The following HECW2 variants were observed in gnomAD, a reference collection of about 807,000 sequenced individuals.
HECW2 encodes E3 ubiquitin-protein ligase HECW2.
A neutral mutation model predicts 175.2 loss-of-function variants in HECW2; 61 were observed. The observed-to-expected ratio is 0.35, with a 90% CI of 0.28 to 0.43. The LOEUF is 0.43. HECW2 is among the 20% of genes least tolerant of loss of function. The pLI is 1.00. For synonymous variants in HECW2, 671 were observed against 731.0 expected, an observed-to-expected ratio of 0.92 and a Z score of 1.32; for missense variants, 1,524 against 2,000.5, an observed-to-expected ratio of 0.76 and a Z score of 4.54.
At chr2:196,564,986 C>A (rs2125504689) in intron 1 of HECW2, among the ~76,000 whole-genome samples, 2 of 143,470 alleles carry the variant, frequency 1.4e-5, no homozygotes, top group African/African-American at 2.6e-5. Context: ...AGCAATTTAA[C>A]TATTTCTTCA....
intron 13 of HECW2, among the ~76,000 whole-genome samples, chr2:196,302,665 A>C (rs1181415898): frequency 6.6e-6 from 1 of 151,942 alleles, no homozygotes; most frequent in Non-Finnish European, 1.5e-5. Context: ...TAGGTATTTT[A>C]TCCTTTTTGT....
At chr2:196,560,128 C>T (rs1165200363) in intron 1 of HECW2, among the ~76,000 whole-genome samples, 2 of 152,110 alleles carry the variant, frequency 1.3e-5, no homozygotes, top group African/African-American at 4.8e-5. Flanking sequence ...ATGAAGCACC[C>T]TGATGATGTT....
intron 2 of HECW2, among the ~76,000 whole-genome samples, chr2:196,368,767 C>G (rs1693825688): frequency 6.6e-6 from 1 of 152,074 alleles, no homozygotes; most frequent in African/African-American, 2.4e-5. Flanking sequence ...GTCTCCGAGG[C>G]ATTCTTCAAT....
intron 13 of HECW2, among the ~76,000 whole-genome samples, chr2:196,298,716 G>A (rs1032213231): frequency 6.6e-6 from 1 of 151,966 alleles, no homozygotes; most frequent in African/African-American, 2.4e-5. Flanking sequence ...TCTTCTCATT[G>A]TTCAATTCCC....
At chr2:196,358,761 C>A (rs1439403806) in intron 2 of HECW2, among the ~76,000 whole-genome samples, 1 of 151,960 alleles carries the variant, frequency 6.6e-6, no homozygotes, top group African/African-American at 2.4e-5. Context: ...TAAATTAAAA[C>A]AAAGGCATGC....
chr2:196,242,013 T>G, intron 20 of HECW2, 71 bp downstream of exon 20: 1 of 1,443,576 alleles, frequency 6.9e-7, no homozygotes, highest in Non-Finnish European at 9.6e-7. Context: ...ACAATCAATT[T>G]CCTAGAGGCC....
chr2:196,539,063 A>C (rs969388452), intron 1 of HECW2, among the ~76,000 whole-genome samples: 20 of 152,320 alleles, frequency 1.3e-4, no homozygotes, highest in Admixed American at 9.2e-4. Context: ...ATTGCCCAAA[A>C]GGCATGAATA....
intron 1 of HECW2, among the ~76,000 whole-genome samples, chr2:196,542,184 A>T (rs1689240701): frequency 6.6e-6 from 1 of 151,660 alleles, no homozygotes; most frequent in Non-Finnish European, 1.5e-5. Flanking sequence ...GAATTGCTTG[A>T]ACCCGGGAAG....
At chr2:196,306,736 TC>T (rs1691280149) in intron 12 of HECW2, 124 bp from the exon 13 acceptor site, 17 of 967,988 alleles carry the variant, frequency 1.8e-5, no homozygotes, top group Admixed American at 1.1e-4. Context: ...ATCATTTTAA[TC>T]CCCCAATGCT....
chr2:196,531,617 G>A (rs1048875367), intron 1 of HECW2, among the ~76,000 whole-genome samples: 1 of 149,666 alleles, frequency 6.7e-6, no homozygotes, highest in African/African-American at 2.5e-5. Context: ...TCCTGAGATC[G>A]TACCACTGCA....
intron 1 of HECW2, among the ~76,000 whole-genome samples, chr2:196,542,868 T>A (rs1357115021): frequency 6.8e-6 from 1 of 147,892 alleles, no homozygotes; most frequent in Non-Finnish European, 1.5e-5. Flanking sequence ...GTATTACATA[T>A]CTAATATATA....
At chr2:196,505,005 T>C (rs75944704) in intron 1 of HECW2, among the ~76,000 whole-genome samples, 156 of 152,300 alleles carry the variant, frequency 1.0e-3, no homozygotes, top group African/African-American at 3.5e-3. Context: ...AATACAATGT[T>C]ACTGTCATTC....
intron 2 of HECW2, among the ~76,000 whole-genome samples, chr2:196,401,939 G>A (rs988400685): frequency 2.6e-5 from 4 of 152,048 alleles, no homozygotes; most frequent in Non-Finnish European, 4.4e-5. Context: ...GGTGGCTCAC[G>A]CCTGTAATCC....
At chr2:196,293,076 G>A (rs1299542653) in intron 13 of HECW2, among the ~76,000 whole-genome samples, 1 of 152,146 alleles carries the variant, frequency 6.6e-6, no homozygotes, top group African/African-American at 2.4e-5. Flanking sequence ...ATGGTGGTTT[G>A]CTGTACCTAT....
intron 7 of HECW2, 142 bp downstream of exon 7, chr2:196,322,336 A>T (rs1691977806): frequency 3.8e-6 from 2 of 531,950 alleles, no homozygotes; most frequent in Non-Finnish European, 6.3e-6. Flanking sequence ...CATTTTAATA[A>T]GTGTAAGGAC....
At chr2:196,286,883 A>G (rs139329720) in intron 14 of HECW2, among the ~76,000 whole-genome samples, 434 of 152,344 alleles carry the variant, frequency 2.8e-3, no homozygotes, top group Non-Finnish European at 4.8e-3. Flanking sequence ...TGAAATTATA[A>G]TAAGTTGTGG....
At chr2:196,226,898 G>A (rs1335511836) in intron 22 of HECW2, among the ~76,000 whole-genome samples, 1 of 152,092 alleles carries the variant, frequency 6.6e-6, no homozygotes, top group East Asian at 1.9e-4. Context: ...AATCACTTTG[G>A]AAATTTTATT....
chr2:196,447,413 T>C (rs1331217518), intron 1 of HECW2, among the ~76,000 whole-genome samples: 1 of 152,220 alleles, frequency 6.6e-6, no homozygotes, highest in East Asian at 1.9e-4. Context: ...TCTGCTAGTC[T>C]CTCACTGAAT....
intron 4 of HECW2, among the ~76,000 whole-genome samples, 171 bp from the exon 5 acceptor site, chr2:196,329,821 G>A (rs540632015): frequency 4.0e-4 from 61 of 152,206 alleles, no homozygotes; most frequent in African/African-American, 1.4e-3. Flanking sequence ...CTGATTCTTG[G>A]AGGAAAGACT....
Sources: gnomAD v4.1 joint callset for allele counts (sites outside exome capture counted in the v4.1 genomes callset) on GRCh38, gnomAD v4.1.1 for gene constraint, MANE v1.5 for transcripts, NCBI Gene and HGNC (gene_info 2026-07-23, HGNC 2026-07-21) for gene names.